The following MOB3B variants were observed in gnomAD, a reference collection of about 807,000 sequenced individuals.
The protein encoded by MOB3B is MOB kinase activator 3B, also known as MOB kinase activator-like 2B.
MOB3B carries 7 observed loss-of-function variants against 18.7 expected under a neutral mutation model. The ratio of observed to expected loss-of-function variants is 0.37; its 90% CI spans 0.21 to 0.70. The LOEUF is 0.70. Among genes scored for constraint, MOB3B ranks in the 30% least tolerant of loss-of-function variants. MOB3B has a pLI of 0.52. For synonymous variants in MOB3B, 111 were observed against 99.9 expected (o/e 1.11, Z -0.66); for missense variants, 253 against 281.3 (o/e 0.90, Z 0.72).
chr9:27,334,596 A>G (rs189115102), intron 3 of MOB3B, among the ~76,000 whole-genome samples: 1 of 152,330 alleles, frequency 6.6e-6, no homozygotes, highest in African/African-American at 2.4e-5. Flanking sequence ...CTTGATAGCC[A>G]TTGAACAAAC....
At chr9:27,375,673 C>T (rs527829159) in intron 2 of MOB3B, among the ~76,000 whole-genome samples, 1 of 152,304 alleles carries the variant, frequency 6.6e-6, no homozygotes, top group African/African-American at 2.4e-5. Context: ...GAGCCTCTAG[C>T]AACCCCTGCT....
chr9:27,468,008 C>T (rs1819412296), intron 1 of MOB3B, among the ~76,000 whole-genome samples: 1 of 152,214 alleles, frequency 6.6e-6, no homozygotes, highest in Admixed American at 6.5e-5. Context: ...TTAAGTTGTG[C>T]AGAGTGGCTT....
At chr9:27,463,244 C>T (rs185290710) in intron 1 of MOB3B, among the ~76,000 whole-genome samples, 1 of 152,098 alleles carries the variant, frequency 6.6e-6, no homozygotes, top group African/African-American at 2.4e-5. Context: ...TAAGGACTTC[C>T]TATTTATTTT....
intron 3 of MOB3B, among the ~76,000 whole-genome samples, chr9:27,353,232 TCTC>T (rs1821132632): frequency 2.0e-5 from 3 of 152,096 alleles, no homozygotes; most frequent in South Asian, 4.2e-4. Context: ...CATTCTCGAG[TCTC>T]CTCCTCTCAG....
At chr9:27,394,495 T>C (rs778038247) in intron 2 of MOB3B, among the ~76,000 whole-genome samples, 3 of 151,894 alleles carry the variant, frequency 2.0e-5, no homozygotes, top group Non-Finnish European at 4.4e-5. Context: ...AAAGAAGCAA[T>C]CCCAAATGAG....
intron 1 of MOB3B, among the ~76,000 whole-genome samples, chr9:27,493,120 C>A (rs543191494): frequency 6.6e-6 from 1 of 152,078 alleles, no homozygotes; most frequent in Non-Finnish European, 1.5e-5. Context: ...TATGTAAGAA[C>A]ATACATTTGG....
chr9:27,450,577 G>A (rs182170524), intron 2 of MOB3B, among the ~76,000 whole-genome samples: 4 of 152,130 alleles, frequency 2.6e-5, no homozygotes, highest in Admixed American at 6.5e-5. Context: ...AACAAAACAG[G>A]TCTTATAAAA....
intron 2 of MOB3B, among the ~76,000 whole-genome samples, chr9:27,426,267 T>A (rs113165980): frequency 4.6e-5 from 7 of 152,270 alleles, no homozygotes; most frequent in African/African-American, 1.7e-4. Flanking sequence ...GTACATTGAG[T>A]GTTACTCAAA....
intron 2 of MOB3B, among the ~76,000 whole-genome samples, chr9:27,370,382 C>T (rs951301859): frequency 2.9e-4 from 44 of 151,986 alleles, no homozygotes; most frequent in Admixed American, 1.6e-3. Flanking sequence ...GTGGTGCATG[C>T]TTGTAATCCC....
intron 3 of MOB3B, among the ~76,000 whole-genome samples, chr9:27,350,362 C>A (rs1305549480): frequency 6.6e-6 from 1 of 151,848 alleles, no homozygotes; most frequent in Non-Finnish European, 1.5e-5. Context: ...AGTTTTGTAT[C>A]CTGCTTTTAT....
intron 2 of MOB3B, among the ~76,000 whole-genome samples, chr9:27,395,128 G>A (rs911025059): frequency 6.6e-6 from 1 of 152,178 alleles, no homozygotes; most frequent in Non-Finnish European, 1.5e-5. Flanking sequence ...CATTAAGTCG[G>A]GATGTCTTGT....
intron 2 of MOB3B, among the ~76,000 whole-genome samples, chr9:27,390,487 C>T (rs1563856965): frequency 6.6e-6 from 1 of 152,214 alleles, no homozygotes; most frequent in Non-Finnish European, 1.5e-5. Flanking sequence ...TAGGCGTGAG[C>T]CACCGTGCCC....
At chr9:27,340,492 T>C (rs907141264) in intron 3 of MOB3B, among the ~76,000 whole-genome samples, 3 of 152,218 alleles carry the variant, frequency 2.0e-5, no homozygotes, top group Admixed American at 6.5e-5. Flanking sequence ...GGTTGCCTCA[T>C]AGTGCATCGT....
intron 2 of MOB3B, among the ~76,000 whole-genome samples, chr9:27,446,149 T>C (rs1822688792): frequency 6.6e-6 from 1 of 152,172 alleles, no homozygotes; most frequent in South Asian, 2.1e-4. Flanking sequence ...TTCGCCAAGT[T>C]TTGTTTAAAT....
chr9:27,363,397 T>G (rs376522929), intron 2 of MOB3B, among the ~76,000 whole-genome samples: 1 of 152,070 alleles, frequency 6.6e-6, no homozygotes, highest in Non-Finnish European at 1.5e-5. Flanking sequence ...GCCTCCCAAG[T>G]AGCTGGGACT....
intron 1 of MOB3B, among the ~76,000 whole-genome samples, chr9:27,482,939 T>C (rs1439993861): frequency 6.6e-6 from 1 of 152,190 alleles, no homozygotes. Flanking sequence ...GTATCTTGCC[T>C]TGAACAGGCC....
At chr9:27,399,593 G>A (rs1170187904) in intron 2 of MOB3B, among the ~76,000 whole-genome samples, 1 of 152,108 alleles carries the variant, frequency 6.6e-6, no homozygotes, top group Non-Finnish European at 1.5e-5. Flanking sequence ...CACTGATGGG[G>A]TCTGGAGACC....
At chr9:27,426,725 C>T (rs1482061012) in intron 2 of MOB3B, among the ~76,000 whole-genome samples, 2 of 152,160 alleles carry the variant, frequency 1.3e-5, no homozygotes, top group East Asian at 3.9e-4. Flanking sequence ...ATAATGAGAT[C>T]CTCTAGGTTC....
chr9:27,449,585 C>T (rs940068577), intron 2 of MOB3B, among the ~76,000 whole-genome samples: 2 of 152,166 alleles, frequency 1.3e-5, no homozygotes, highest in African/African-American at 4.8e-5. Context: ...CTAATTCCAA[C>T]ATACTGTAAA....
Sources: gnomAD v4.1 joint callset for allele counts (sites outside exome capture counted in the v4.1 genomes callset) on GRCh38, gnomAD v4.1.1 for gene constraint, MANE v1.5 for transcripts, NCBI Gene and HGNC (gene_info 2026-07-23, HGNC 2026-07-21) for gene names.